The following RIMKLB variants were observed in gnomAD, a reference collection of about 807,000 sequenced individuals.
RIMKLB encodes the protein ribosomal modification protein rimK like family member B.
Under a neutral mutation model 32.0 loss-of-function variants are expected in RIMKLB, and 7 were observed. The ratio of observed to expected loss-of-function variants is 0.22; its 90% confidence interval spans 0.12 to 0.41. RIMKLB has a LOEUF of 0.41. Among genes scored for constraint, RIMKLB ranks in the 10% least tolerant of loss-of-function variants. The pLI, the probability that RIMKLB is intolerant of heterozygous loss-of-function variation, is 1.00. For missense variants in RIMKLB, 289 were observed against 498.7 expected, an observed-to-expected ratio of 0.58 and a Z score of 4.00; for synonymous variants, 172 against 185.1, an observed-to-expected ratio of 0.93 and a Z score of 0.57.
At chr12:8,751,035 G>A (rs1310119171) in intron 3 of RIMKLB, among the ~76,000 whole-genome samples, 1 of 152,182 alleles carries the variant, frequency 6.6e-6, no homozygotes, top group African/African-American at 2.4e-5. Flanking sequence ...CACCAAGCCT[G>A]TATGGCATGT....
At chr12:8,717,679 A>G (rs1944997700) in intron 2 of RIMKLB, among the ~76,000 whole-genome samples, 1 of 152,206 alleles carries the variant, frequency 6.6e-6, no homozygotes, top group Non-Finnish European at 1.5e-5. Context: ...TGTTCTTACT[A>G]CTGCTAATGA....
At chr12:8,713,722 T>C (rs1944566142) in intron 1 of RIMKLB, 89 bp from the exon 2 acceptor site, 2 of 797,164 alleles carry the variant, frequency 2.5e-6, no homozygotes, top group East Asian at 2.7e-5. Context: ...ATATAATTAG[T>C]ATATAATCAC....
chr12:8,751,854 C>G, intron 3 of RIMKLB, 103 bp from the exon 4 acceptor site: 1 of 729,510 alleles, frequency 1.4e-6, no homozygotes, highest in Admixed American at 2.3e-5. Flanking sequence ...CAGGCTCTTA[C>G]CTTCAACTTC....
intron 5 of RIMKLB, among the ~76,000 whole-genome samples, chr12:8,768,418 G>C (rs1185930265): frequency 6.6e-6 from 1 of 152,216 alleles, no homozygotes; most frequent in Non-Finnish European, 1.5e-5. Context: ...TGATTTAATA[G>C]AGTGAAAACA....
chr12:8,776,803 G>A lies in RIMKLB; in HGVS notation c.*3019G>A, dbSNP rs777240812. ...GGAACAGTAGAAAAACCCAACAAGA[G>A]ACTTGGCATTCATCAAGCACATTAT... On this transcript the variant is annotated 3_prime_UTR_variant, in exon 6 of 6. Coordinates refer to ENST00000535829, the MANE Select transcript of RIMKLB (RefSeq NM_001297776.2). 2 of 985,550 alleles carry A rather than the reference G, an allele frequency of 2.0e-6. No individual in the cohort carries two copies. The highest frequency in any genetic ancestry group is 2.3e-4 in the East Asian group (2 of 8,814). The allele number at this position is 985,550 out of a possible 1,614,324, so 61.1% of individuals were successfully genotyped here. A position where few individuals can be genotyped will look rare whatever the true frequency, so the allele number is the denominator to read the frequency against.
chr12:8,746,795 C>T lies in RIMKLB; in HGVS notation c.176-3067C>T, dbSNP rs6487354. On this transcript the variant is annotated intron_variant, in intron 2 of 5. Transcript: ENST00000535829. The stretch of plus-strand genomic sequence containing the variant: ...CCCTTTTAGGGTCAGGGTCTTTGTC[C>T]TCCAGGTTGATCATAGGTCACTGCA... 3.4e-3 allele frequency among the ~76,000 whole-genome samples: 512 copies of T among 151,990 alleles called. 1 individual carries two copies. Among genetic ancestry groups the T allele is most frequent in the Admixed American group, 5.9e-3 (90 of 15,258 alleles).
chr12:8,770,063 C>T (rs1389947445), intron 5 of RIMKLB, among the ~76,000 whole-genome samples: 4 of 151,946 alleles, frequency 2.6e-5, no homozygotes, highest in African/African-American at 9.7e-5. Flanking sequence ...ACCCCCGCTT[C>T]CCGGGTTAAA....
At position 8,735,792 on chromosome 12, in the gene RIMKLB, G is replaced by A. The variant is rs932555701; in HGVS notation, c.176-14070G>A. On this transcript the variant is annotated intron_variant, in intron 2 of 5. Transcript: ENST00000535829. The stretch of plus-strand genomic sequence containing the variant: ...ATTGCTCAGGCTGGAGTGCAATGGC[G>A]GGATCCCGGCTCACTGCAACCCCTG... Among the ~76,000 whole-genome samples the A allele has an allele frequency of 4.0e-5, 6 of 151,778 alleles. No individual in the cohort carries two copies. In the East Asian group the frequency reaches 1.2e-3, roughly 29 times the overall value.
At chr12:8,673,842 C>G in the RIMKLB span, among the ~76,000 whole-genome samples, 1 of 152,052 alleles carries the variant, frequency 6.6e-6, no homozygotes, top group African/African-American at 2.4e-5. Flanking sequence ...GGTGATCCGC[C>G]CGCTTTGGCC....
At chr12:8,759,321 G>T (rs1949328117) in intron 5 of RIMKLB, among the ~76,000 whole-genome samples, 1 of 152,154 alleles carries the variant, frequency 6.6e-6, no homozygotes, top group Non-Finnish European at 1.5e-5. Context: ...CTTGAACCTG[G>T]GAGGTAGAGG....
At chr12:8,757,687 C>T (rs929101856) in intron 5 of RIMKLB, among the ~76,000 whole-genome samples, 4 of 152,082 alleles carry the variant, frequency 2.6e-5, no homozygotes, top group African/African-American at 7.2e-5. Context: ...TATTCCTAAA[C>T]TAGTTATTAT....
intron 1 of RIMKLB, among the ~76,000 whole-genome samples, chr12:8,706,428 A>G (rs1943884847): frequency 7.2e-6 from 1 of 138,044 alleles, no homozygotes; most frequent in African/African-American, 2.8e-5. Context: ...TACAGGTGTG[A>G]GCCACCACGC....
At chr12:8,678,474 G>A (rs920434302), upstream of RIMKLB, among the ~76,000 whole-genome samples, 1 of 151,782 alleles carries the variant, frequency 6.6e-6, no homozygotes, top group African/African-American at 2.4e-5. Context: ...GGCATTACAG[G>A]CATGCACCAC....
chr12:8,716,944 A>T (rs753217327), intron 2 of RIMKLB, among the ~76,000 whole-genome samples: 141 of 151,412 alleles, frequency 9.3e-4, no homozygotes, highest in African/African-American at 3.3e-3. Flanking sequence ...ATATTGTTTT[A>T]AAAATCTTCA....
chr12:8,774,017 G>C lies in RIMKLB; in HGVS notation c.*233G>C, dbSNP rs1274141985. On this transcript the variant is annotated 3_prime_UTR_variant, in exon 6 of 6. Transcript: ENST00000535829. ...ATAGGTGGGGTATAGAAAAATGTCA[G>C]GCTCTCATAGTTACCCTTTTAAATT... 9 of 1,324,116 alleles carry C rather than the reference G, an allele frequency of 6.8e-6. No homozygotes were observed. In the East Asian group the frequency reaches 2.5e-4, roughly 37 times the overall value. The allele number at this position is 1,324,116 out of a possible 1,614,324, so 82.0% of individuals were successfully genotyped here.
intron 2 of RIMKLB, among the ~76,000 whole-genome samples, chr12:8,747,405 A>G (rs1286578033): frequency 1.3e-5 from 2 of 151,908 alleles, no homozygotes; most frequent in Admixed American, 6.6e-5. Context: ...TTTTAAACAC[A>G]CACACCCCCG....
In RIMKLB at chr12:8,745,343, C is replaced by G. The variant is rs755929783; in HGVS notation, c.176-4519C>G. On this transcript the variant is annotated intron_variant, in intron 2 of 5. Transcript: ENST00000535829. Reference sequence around the variant, plus strand: ...GTCCTAGGTGTCCCTTTTTTACTTTCATATTTTCAACTTATATATTCCTAT... The same window carrying G: ...GTCCTAGGTGTCCCTTTTTTACTTTGATATTTTCAACTTATATATTCCTAT... Among the ~76,000 whole-genome samples the G allele has an allele frequency of 2.6e-5, 4 of 151,772 alleles. No homozygotes were observed. In the East Asian group the frequency reaches 7.7e-4, roughly 29 times the overall value.
At chr12:8,681,311 A>G (rs1406755734), upstream of RIMKLB, among the ~76,000 whole-genome samples, 1 of 151,380 alleles carries the variant, frequency 6.6e-6, no homozygotes, top group East Asian at 1.9e-4. Context: ...TGCCAATGTA[A>G]ACAAACAATT....
chr12:8,782,614 CAAATAAATTTGGGA>C, intron 7 of RIMKLB, among the ~76,000 whole-genome samples: 1 of 152,122 alleles, frequency 6.6e-6, no homozygotes, highest in African/African-American at 2.4e-5. Flanking sequence ...GAAGGAGAGT[CAAATAAATTTGGGA>C]AATAAGGTTG....
Sources: gnomAD v4.1 joint callset for allele counts (sites outside exome capture counted in the v4.1 genomes callset) on GRCh38, gnomAD v4.1.1 for gene constraint, MANE v1.5 for transcripts, NCBI Gene and HGNC (gene_info 2026-07-23, HGNC 2026-07-21) for gene names.